Variants in PRKN observed in about 807,000 individuals in gnomAD.
The protein encoded by PRKN is parkin RBR E3 ubiquitin protein ligase, also known as E3 ubiquitin-protein ligase parkin.
A neutral mutation model predicts 59.5 loss-of-function variants in PRKN; 56 were observed. That is an observed-to-expected ratio of 0.94 (90% CI 0.76 to 1.18). The LOEUF is 1.18. Among genes scored for constraint, PRKN ranks in the 50% most tolerant of loss-of-function variants. PRKN has a pLI of 0.00. For missense variants in PRKN, 657 were observed against 596.4 expected (o/e 1.10, Z -1.06); for synonymous variants, 250 against 222.1 (o/e 1.13, Z -1.12).
intron 6 of PRKN, among the ~76,000 whole-genome samples, chr6:161,900,450 T>A (rs1026908327): frequency 1.4e-5 from 2 of 143,436 alleles, no homozygotes; most frequent in African/African-American, 5.1e-5. Context: ...TTTATATATA[T>A]ATAAATTATA....
intron 6 of PRKN, among the ~76,000 whole-genome samples, chr6:161,816,137 C>T (rs1216104862): frequency 6.6e-6 from 1 of 152,114 alleles, no homozygotes; most frequent in African/African-American, 2.4e-5. Flanking sequence ...ACTGGTGGAT[C>T]CCTGCAGTCC....
chr6:162,130,800 A>G (rs1781321277), intron 4 of PRKN, among the ~76,000 whole-genome samples: 1 of 152,124 alleles, frequency 6.6e-6, no homozygotes, highest in South Asian at 2.1e-4. Context: ...CCTAAACTTA[A>G]ATTTTCTTAT....
chr6:162,020,837 G>A (rs1440260149), intron 5 of PRKN, among the ~76,000 whole-genome samples: 1 of 151,944 alleles, frequency 6.6e-6, no homozygotes, highest in Non-Finnish European at 1.5e-5. Context: ...CGGCGCGGTG[G>A]CTCATGCCTG....
chr6:161,598,553 C>T (rs1781998238), intron 7 of PRKN, among the ~76,000 whole-genome samples: 1 of 152,028 alleles, frequency 6.6e-6, no homozygotes, highest in Non-Finnish European at 1.5e-5. Flanking sequence ...GAGTAAAAAC[C>T]CAAAACATAT....
intron 4 of PRKN, among the ~76,000 whole-genome samples, chr6:162,170,059 T>G (rs2128319313): frequency 6.6e-6 from 1 of 152,322 alleles, no homozygotes; most frequent in East Asian, 1.9e-4. Flanking sequence ...TCGTGTGAGC[T>G]TTCATCTGCT....
intron 6 of PRKN, among the ~76,000 whole-genome samples, chr6:161,831,061 C>T (rs533730732): frequency 1.1e-4 from 16 of 152,274 alleles, no homozygotes; most frequent in African/African-American, 3.8e-4. Flanking sequence ...ATCAGCTCTG[C>T]AGTAACGGTT....
At chr6:161,453,733 C>CCCTCCCTTCCTT (rs1489930338) in intron 9 of PRKN, among the ~76,000 whole-genome samples, 2 of 137,530 alleles carry the variant, frequency 1.5e-5, no homozygotes, top group Admixed American at 7.2e-5. Context: ...CTCCCTCCCT[C>CCCTCCCTTCCTT]CCTCCCTTCC....
chr6:161,509,597 A>C (rs181368608), intron 9 of PRKN, among the ~76,000 whole-genome samples: 113 of 149,820 alleles, frequency 7.5e-4, no homozygotes, highest in African/African-American at 2.7e-3. Context: ...AAAGAAAAAA[A>C]GGCTGGGCAC....
intron 6 of PRKN, among the ~76,000 whole-genome samples, chr6:161,793,555 A>G (rs867341497): frequency 5.9e-5 from 9 of 151,796 alleles, no homozygotes; most frequent in Non-Finnish European, 1.0e-4. Context: ...GTCATGTCAC[A>G]TCCTATAAAA....
At chr6:162,216,493 G>A (rs938440207) in intron 3 of PRKN, among the ~76,000 whole-genome samples, 2 of 133,200 alleles carry the variant, frequency 1.5e-5, no homozygotes, top group Non-Finnish European at 3.0e-5. Flanking sequence ...TTGCGCCACT[G>A]CAGTCCGCAG....
At chr6:162,298,765 A>C (rs149870393) in intron 2 of PRKN, among the ~76,000 whole-genome samples, 14 of 152,030 alleles carry the variant, frequency 9.2e-5, no homozygotes, top group Non-Finnish European at 1.6e-4. Context: ...CTGTTTCTTG[A>C]CCCTGTGCCC....
At chr6:161,364,090 AC>A (rs1171596299) in intron 10 of PRKN, among the ~76,000 whole-genome samples, 1 of 149,232 alleles carries the variant, frequency 6.7e-6, no homozygotes. Flanking sequence ...AATGGCGTGA[AC>A]CCGGGAGGCT....
rs1288438979 is a variant in PRKN at position 161,460,908 on chromosome 6, C to G, written c.1084-74031G>C. Reference sequence around the variant, plus strand: ...GGGACTACAGGTACGCACCACCACGCCCAGCTAATTTTTCTTTCTTTTTTT... The same window carrying G: ...GGGACTACAGGTACGCACCACCACGGCCAGCTAATTTTTCTTTCTTTTTTT... On this transcript the variant is annotated intron_variant, in intron 9 of 11. Coordinates refer to ENST00000366898, the MANE Select transcript of PRKN (RefSeq NM_004562.3). This position sits in a 1 kb window ranked among gnomAD's most constrained non-coding sequence, Gnocchi z 5.0. Among the ~76,000 whole-genome samples the G allele has an allele frequency of 2.6e-5, 4 of 151,868 alleles. No individual in the cohort carries two copies. The highest frequency in any genetic ancestry group is 9.7e-5 in the African/African-American group (4 of 41,328).
rs1785694591 is a variant in PRKN, at chr6:161,376,197, A to C, written c.1167+10597T>G. 6.6e-6 allele frequency among the ~76,000 whole-genome samples: 1 copy of C among 152,064 alleles called. No individual in the cohort carries two copies. The highest frequency in any genetic ancestry group is 2.4e-5 in the African/African-American group (1 of 41,396). On this transcript the variant is annotated intron_variant, in intron 10 of 11. Coordinates refer to ENST00000366898, the MANE Select transcript of PRKN (RefSeq NM_004562.3). The surrounding 1 kb of genome is among the most constrained non-coding windows in gnomAD (Gnocchi z 7.3). ...TAGCCTCTCCTGGACTGTAACTCTG[A>C]AGGGGTGGGTGTGGGTGTGGGGAGC...
At chr6:162,405,607 G>T in intron 2 of PRKN, among the ~76,000 whole-genome samples, 1 of 152,264 alleles carries the variant, frequency 6.6e-6, no homozygotes, top group South Asian at 2.1e-4. Context: ...GGGGGACACG[G>T]CCTTTAAAGA....
intron 5 of PRKN, among the ~76,000 whole-genome samples, chr6:162,035,668 T>C (rs2128280425): frequency 6.6e-6 from 1 of 152,288 alleles, no homozygotes; most frequent in East Asian, 1.9e-4. Flanking sequence ...TACAATGTAT[T>C]AAATGTTAGA....
intron 1 of PRKN, among the ~76,000 whole-genome samples, chr6:162,536,984 T>C (rs1378427775): frequency 6.6e-6 from 1 of 152,176 alleles, no homozygotes; most frequent in Non-Finnish European, 1.5e-5. Context: ...TGTATGTTTT[T>C]AAAGAGTTTT....
intron 9 of PRKN, among the ~76,000 whole-genome samples, chr6:161,404,902 G>A (rs995483386): frequency 1.3e-5 from 2 of 152,176 alleles, no homozygotes; most frequent in South Asian, 2.1e-4. Flanking sequence ...ATGCGAAGCC[G>A]TAAATACTGC....
chr6:161,779,443 T>TTTTTTTC (rs1182778560), intron 7 of PRKN, among the ~76,000 whole-genome samples: 1 of 74,356 alleles, frequency 1.3e-5, no homozygotes, highest in East Asian at 3.6e-4. Flanking sequence ...TTCTTTTCTT[T>TTTTTTTC]TTTTTTTTTT....
Sources: allele counts gnomAD v4.1 joint callset (sites outside exome capture counted in the v4.1 genomes callset), GRCh38; gene constraint gnomAD v4.1.1; non-coding constraint Gnocchi (gnomAD v3.1); transcripts MANE v1.5; gene names NCBI Gene and HGNC (gene_info 2026-07-23, HGNC 2026-07-21).